GABRG3: variants seen among roughly 807,000 people sequenced by gnomAD.
GABRG3 encodes gamma-aminobutyric acid type A receptor subunit gamma3, also known as gamma-aminobutyric acid receptor subunit gamma-3.
In GABRG3, 25 loss-of-function variants were observed where a neutral mutation model predicts 48.8. The observed-to-expected ratio is 0.51, with a 90% CI of 0.37 to 0.72. GABRG3 has a LOEUF of 0.72. GABRG3 is among the 30% of genes least tolerant of loss of function. GABRG3 has a pLI of 0.00. For synonymous variants in GABRG3, 227 were observed against 217.6 expected (o/e 1.04, Z -0.38); for missense variants, 394 against 577.9 (o/e 0.68, Z 3.26).
chr15:27,362,880 A>C (rs1341441818), intron 5 of GABRG3: 1 of 152,226 alleles, frequency 6.6e-6, no homozygotes, highest in African/African-American at 2.4e-5. Context: ...TCTGCCAAAC[A>C]TAATGCTTCA....
intron 5 of GABRG3, among the ~76,000 whole-genome samples, chr15:27,361,274 C>G (rs901017113): frequency 6.6e-6 from 1 of 152,164 alleles, no homozygotes; most frequent in Admixed American, 6.5e-5. Flanking sequence ...TGGAGCAAAC[C>G]TTCTCAAGTG....
intron 2 of GABRG3, among the ~76,000 whole-genome samples, chr15:27,023,484 C>A (rs1455096863): frequency 6.6e-6 from 1 of 152,182 alleles, no homozygotes; most frequent in Non-Finnish European, 1.5e-5. Flanking sequence ...CTTCCCCAGT[C>A]CCTGGAAACC....
intron 5 of GABRG3, among the ~76,000 whole-genome samples, chr15:27,330,888 C>T (rs1893780889): frequency 6.6e-6 from 1 of 152,018 alleles, no homozygotes; most frequent in South Asian, 2.1e-4. Context: ...AATGTAGGAG[C>T]CAGGGGGTGG....
chr15:27,462,223 C>G (rs1889472398), intron 5 of GABRG3, among the ~76,000 whole-genome samples: 1 of 152,142 alleles, frequency 6.6e-6, no homozygotes, highest in South Asian at 2.1e-4. Flanking sequence ...TCCCCTGCCT[C>G]CACTCTAAGC....
intron 5 of GABRG3, among the ~76,000 whole-genome samples, chr15:27,430,867 G>A (rs1888427809): frequency 6.6e-6 from 1 of 152,040 alleles, no homozygotes; most frequent in Admixed American, 6.6e-5. Context: ...GCAGGCGCCT[G>A]TAATCCCAGC....
chr15:27,480,368 C>T (rs1167452378), intron 5 of GABRG3, among the ~76,000 whole-genome samples: 3 of 152,188 alleles, frequency 2.0e-5, no homozygotes, highest in Non-Finnish European at 4.4e-5. Context: ...AGCTGTGGCT[C>T]TCCAAGGTTG....
Position 26,971,473 on chromosome 15 carries a change from C to A in GABRG3, c.-63C>A. ...AAAGAGGGCCGGCGGAGACCAGGTCCGCGCCGGAGGAAGCCGCGCCCGGCC... is the reference window on the plus strand; with the variant it reads ...AAAGAGGGCCGGCGGAGACCAGGTCAGCGCCGGAGGAAGCCGCGCCCGGCC... On this transcript the variant is annotated 5_prime_UTR_variant, in exon 1 of 10. Coordinates refer to ENST00000615808, the MANE Select transcript of GABRG3 (RefSeq NM_033223.5). The A allele has an allele frequency of 1.5e-6, 2 of 1,362,380 alleles. No homozygotes were observed. The highest frequency in any genetic ancestry group is 1.5e-5 in the African/African-American group (1 of 65,646). 84.4% of individuals were successfully genotyped at this position (1,362,380 alleles called of 1,614,324 possible).
At chr15:27,057,279 T>C (rs1896565201) in intron 3 of GABRG3, among the ~76,000 whole-genome samples, 2 of 152,200 alleles carry the variant, frequency 1.3e-5, no homozygotes, top group South Asian at 4.1e-4. Context: ...AGTTTTCCGA[T>C]CTGGCCAGGA....
rs1359306572 is a variant in GABRG3, at chr15:27,534,205, A to G, written c.*1324A>G. On this transcript the variant is annotated 3_prime_UTR_variant, in exon 10 of 10. Coordinates refer to ENST00000615808, the MANE Select transcript of GABRG3 (RefSeq NM_033223.5). The stretch of plus-strand genomic sequence containing the variant: ...TTAGTGAATATTAATTTTCAACTCA[A>G]ACCAACTTTAGATGCAAAAAAATGG... The G allele has an allele frequency of 1.3e-5, 2 of 152,046 alleles. No individual in the cohort carries two copies. The highest frequency in any genetic ancestry group is 2.9e-5 in the Non-Finnish European group (2 of 68,024). The allele number at this position is 152,046 out of a possible 1,614,324, so 9.4% of individuals were successfully genotyped here. A position where few individuals can be genotyped will look rare whatever the true frequency, so the allele number is the denominator to read the frequency against.
intron 3 of GABRG3, among the ~76,000 whole-genome samples, chr15:27,248,986 C>T (rs532185484): frequency 9.9e-5 from 15 of 151,960 alleles, no homozygotes; most frequent in Admixed American, 3.9e-4. Flanking sequence ...CTGCCCTGGG[C>T]GGATGTCAAG....
intron 2 of GABRG3, among the ~76,000 whole-genome samples, chr15:27,001,888 G>GTTTTGTTTTTTT (rs1555397293): frequency 8.2e-6 from 1 of 121,230 alleles, no homozygotes; most frequent in African/African-American, 3.2e-5. Context: ...CCATAACTCA[G>GTTTTGTTTTTTT]TTTTTTTTTT....
intron 3 of GABRG3, among the ~76,000 whole-genome samples, chr15:27,173,561 G>C (rs572416240): frequency 6.6e-6 from 1 of 152,188 alleles, no homozygotes; most frequent in South Asian, 2.1e-4. Context: ...CGTAACACTT[G>C]TAAGAAAATT....
In GABRG3 at chr15:27,536,549, CA is replaced by C. The variant is rs1260586124; in HGVS notation, c.*3671del. On this transcript the variant is annotated 3_prime_UTR_variant, in exon 10 of 10. Transcript: ENST00000615808. ...AATTTTACATCAAACCAATTAAGTA[CA>C]AAGATTTTGCAGGCTCTTTGACTGA... 1 of 152,152 alleles carries C rather than the reference CA, an allele frequency of 6.6e-6. No homozygotes were observed. Among genetic ancestry groups the C allele is most frequent in the African/African-American group, 2.4e-5 (1 of 41,424 alleles). The allele number at this position is 152,152 out of a possible 1,614,324, so 9.4% of individuals were successfully genotyped here.
chr15:26,980,452 A>C (rs6606908), intron 2 of GABRG3, among the ~76,000 whole-genome samples: 88,059 of 151,950 alleles, frequency 0.58, 26,897 homozygotes, highest in East Asian at 0.9. Context: ...CTAAGGCAGG[A>C]GGATCACGAG....
At chr15:27,205,288 G>GT (rs147350381) in intron 3 of GABRG3, among the ~76,000 whole-genome samples, 5,255 of 151,932 alleles carry the variant, frequency 0.035, 174 homozygotes, top group African/African-American at 0.083. Context: ...TTTACAGAAA[G>GT]TTTTTTTGTC....
At chr15:27,462,914 A>G (rs1231236197) in intron 5 of GABRG3, among the ~76,000 whole-genome samples, 2 of 152,204 alleles carry the variant, frequency 1.3e-5, no homozygotes, top group African/African-American at 4.8e-5. Context: ...CTATGTATTA[A>G]AGAGAGAAAT....
chr15:27,455,276 C>T (rs1415410173), intron 5 of GABRG3, among the ~76,000 whole-genome samples: 2 of 152,232 alleles, frequency 1.3e-5, no homozygotes, highest in African/African-American at 4.8e-5. Flanking sequence ...GCTGCAAAAC[C>T]TTACACCTTC....
intron 2 of GABRG3, among the ~76,000 whole-genome samples, chr15:27,002,760 A>AG (rs1895474508): frequency 7.9e-6 from 1 of 125,930 alleles, no homozygotes; most frequent in African/African-American, 3.1e-5. Flanking sequence ...AAAAAAAAAA[A>AG]AAAGGAAGGA....
chr15:26,985,380 T>G (rs1206224613), intron 2 of GABRG3, among the ~76,000 whole-genome samples: 1 of 152,194 alleles, frequency 6.6e-6, no homozygotes, highest in Non-Finnish European at 1.5e-5. Flanking sequence ...AAAATGACTG[T>G]AGAGTGGGGC....
Sources: gnomAD v4.1 joint callset for allele counts (sites outside exome capture counted in the v4.1 genomes callset) on GRCh38, gnomAD v4.1.1 for gene constraint, MANE v1.5 for transcripts, NCBI Gene and HGNC (gene_info 2026-07-23, HGNC 2026-07-21) for gene names.